VPS45: variants seen among roughly 807,000 people sequenced by gnomAD.
VPS45 encodes vacuolar protein sorting 45 homolog, also known as vacuolar protein sorting-associated protein 45.
Under a neutral mutation model 75.9 loss-of-function variants are expected in VPS45, and 35 were observed. The observed-to-expected ratio is 0.46, with a 90% confidence interval of 0.35 to 0.61. The LOEUF (loss-of-function observed/expected upper bound fraction) is 0.61. Among genes scored for constraint, VPS45 ranks in the 20% least tolerant of loss-of-function variants. The probability of loss-of-function intolerance (pLI) is 0.00; values close to 1 mark genes in which losing one functional copy is unlikely to be tolerated. For missense variants in VPS45, 559 were observed against 685.9 expected, an observed-to-expected ratio of 0.81 and a Z score of 2.07; for synonymous variants, 220 against 238.2, an observed-to-expected ratio of 0.92 and a Z score of 0.70.
At chr1:150,118,781 A>G (rs758712091) in intron 14 of VPS45, among the ~76,000 whole-genome samples, 1 of 152,188 alleles carries the variant, frequency 6.6e-6, no homozygotes, top group Non-Finnish European at 1.5e-5. Context: ...TCTTCCAGCT[A>G]TTGTCAGCGT....
intron 2 of VPS45, among the ~76,000 whole-genome samples, chr1:150,071,339 ATCT>A (rs1367336067): frequency 6.6e-6 from 1 of 152,220 alleles, no homozygotes; most frequent in African/African-American, 2.4e-5. Context: ...TGTAGAAAAG[ATCT>A]TAGCCTGCTA....
At chr1:150,075,507 T>C (rs1655326271) in intron 3 of VPS45, among the ~76,000 whole-genome samples, 1 of 152,150 alleles carries the variant, frequency 6.6e-6, no homozygotes, top group African/African-American at 2.4e-5. Context: ...CTTTTGATAT[T>C]AGTAGCTGCT....
chr1:150,068,361 T>C (rs1559896309), intron 1 of VPS45: 1 of 378,664 alleles, frequency 2.6e-6, no homozygotes, highest in Non-Finnish European at 4.7e-6. Flanking sequence ...TTTAAGGTGA[T>C]AGAAAAAAAT....
At chr1:150,098,921 C>G in intron 13 of VPS45, 1 of 1,235,198 alleles carries the variant, frequency 8.1e-7, no homozygotes, top group Non-Finnish European at 1.0e-6. Context: ...TATGATCATG[C>G]ATTCCAGAAT....
At chr1:150,092,160 A>G in intron 11 of VPS45, 65 bp downstream of exon 11, 1 of 1,549,466 alleles carries the variant, frequency 6.5e-7, no homozygotes, top group Non-Finnish European at 8.8e-7. Context: ...CTTAGCTCTA[A>G]CGAATGATAA....
At chr1:150,093,705 T>A in intron 13 of VPS45, 57 bp downstream of exon 13, 1 of 1,575,392 alleles carries the variant, frequency 6.3e-7, no homozygotes, top group East Asian at 2.2e-5. Flanking sequence ...AACAGAAAAT[T>A]TAGAGTAATG....
At chr1:150,102,292 G>A (rs1209111813) in intron 13 of VPS45, among the ~76,000 whole-genome samples, 1 of 149,610 alleles carries the variant, frequency 6.7e-6, no homozygotes, top group Non-Finnish European at 1.5e-5. Context: ...GCTCATGCCT[G>A]TAATCCCAGC....
intron 13 of VPS45, among the ~76,000 whole-genome samples, chr1:150,100,598 G>C (rs1193437678): frequency 3.3e-5 from 5 of 152,200 alleles, no homozygotes; most frequent in Non-Finnish European, 7.3e-5. Flanking sequence ...CAAGGCTACA[G>C]TGACCAAAAC....
Position 150,072,388 on chromosome 1 carries a change from C to T in VPS45, c.289+162C>T, listed in dbSNP as rs141568889. The stretch of plus-strand genomic sequence containing the variant: ...ATTAAAAATCTTTTGACCTGCCGGG[C>T]GCGGTGGCTCACACCTGTAATCCCA... On this transcript the variant is annotated intron_variant, in intron 3 of 14. Coordinates refer to ENST00000644510, the MANE Select transcript of VPS45 (RefSeq NM_007259.5). Among the ~76,000 whole-genome samples the T allele has an allele frequency of 6.1e-3, 925 of 152,148 alleles. 14 individuals are homozygous for T. The highest frequency in any genetic ancestry group is 0.021 in the African/African-American group (883 of 41,520).
intron 4 of VPS45, 145 bp downstream of exon 4, chr1:150,076,457 T>C: frequency 1.8e-6 from 1 of 562,922 alleles, no homozygotes; most frequent in Non-Finnish European, 3.0e-6. Flanking sequence ...ATGAGGAATA[T>C]TGTTTTCAGA....
chr1:150,100,670 A>G (rs975322856), intron 13 of VPS45, among the ~76,000 whole-genome samples: 2 of 152,214 alleles, frequency 1.3e-5, no homozygotes, highest in Non-Finnish European at 2.9e-5. Context: ...GAGCCCAGAA[A>G]TAAGGCCTCA....
chr1:150,070,400 A>C (rs1553796822), intron 2 of VPS45, among the ~76,000 whole-genome samples: 1 of 152,198 alleles, frequency 6.6e-6, no homozygotes. Context: ...ATTTTGGTTC[A>C]AGAGATATGT....
intron 14 of VPS45, among the ~76,000 whole-genome samples, chr1:150,141,920 T>C (rs1422404293): frequency 1.3e-5 from 2 of 152,216 alleles, no homozygotes; most frequent in Non-Finnish European, 2.9e-5. Context: ...AAGGGGATTT[T>C]TGAGTTTGCT....
Position 150,081,315 on chromosome 1 carries a change from CT to C in VPS45, c.688-18del, listed in dbSNP as rs36004387. ...ACTATTTCCATATTCTGTCAGTTAC[CT>C]TTTTTTTTCATAATTCTTTATTTAG... On this transcript the variant is annotated intron_variant, in intron 7 of 14. Coordinates refer to ENST00000644510, the MANE Select transcript of VPS45 (RefSeq NM_007259.5). The C allele has an allele frequency of 0.021, 31,527 of 1,534,390 alleles. 354 individuals are homozygous for C. The highest frequency in any genetic ancestry group is 0.047 in the Middle Eastern group (276 of 5,816).
chr1:150,128,198 A>G (rs1224238813), intron 14 of VPS45, among the ~76,000 whole-genome samples: 1 of 151,718 alleles, frequency 6.6e-6, no homozygotes, highest in Non-Finnish European at 1.5e-5. Flanking sequence ...GCTACTCGGG[A>G]GGCTAAGATG....
intron 13 of VPS45, among the ~76,000 whole-genome samples, chr1:150,104,414 T>C (rs1227211384): frequency 2.0e-5 from 3 of 152,188 alleles, no homozygotes; most frequent in Admixed American, 1.3e-4. Context: ...CAGTCCACTA[T>C]TGGTGGATAC....
chr1:150,071,677 A>G (rs996059667), intron 2 of VPS45, among the ~76,000 whole-genome samples: 5 of 151,698 alleles, frequency 3.3e-5, no homozygotes, highest in African/African-American at 1.2e-4. Context: ...AATCTCAGCT[A>G]CTTGGGAGGC....
chr1:150,144,801 G>A lies in VPS45; in HGVS notation c.*5G>A, dbSNP rs1553816194. ...AGGTCAGCGAGCAGAAGATGAAACGGTGGTTGGGGGAAGGGCACAGCTTCC... is the reference window on the plus strand; with the variant it reads ...AGGTCAGCGAGCAGAAGATGAAACGATGGTTGGGGGAAGGGCACAGCTTCC... On this transcript the variant is annotated 3_prime_UTR_variant, in exon 15 of 15. Transcript: ENST00000644510. 1 of 1,614,160 alleles carries A rather than the reference G, an allele frequency of 6.2e-7. No homozygotes were observed. The highest frequency in any genetic ancestry group is 8.5e-7 in the Non-Finnish European group (1 of 1,180,036).
rs1416256988 is a variant in VPS45, at chr1:150,075,188, G to T, written c.290-1045G>T. On this transcript the variant is annotated intron_variant, in intron 3 of 14. Transcript: ENST00000644510. ...TTTTTAAAATCAGGATCAAAGTAAG[G>T]TTCACACATTGCTGTTGGTTGATAT... 6.4e-5 allele frequency among the ~76,000 whole-genome samples: 9 copies of T among 140,382 alleles called. 1 individual carries two copies. In the East Asian group the frequency reaches 1.6e-3, roughly 26 times the overall value. 92.1% of individuals were successfully genotyped at this position (140,382 alleles called of 152,430 possible). A position where few individuals can be genotyped will look rare whatever the true frequency, so the allele number is the denominator to read the frequency against.
Sources: gnomAD v4.1 joint callset for allele counts (sites outside exome capture counted in the v4.1 genomes callset) on GRCh38, gnomAD v4.1.1 for gene constraint, MANE v1.5 for transcripts, NCBI Gene and HGNC (gene_info 2026-07-23, HGNC 2026-07-21) for gene names.